Variants in ARHGEF4 observed in about 807,000 individuals in gnomAD.
The protein encoded by ARHGEF4 is Rho guanine nucleotide exchange factor 4.
In ARHGEF4, 119 loss-of-function variants were observed where a neutral mutation model predicts 162.0. The observed-to-expected ratio is 0.73, with a 90% CI of 0.63 to 0.86. The LOEUF (loss-of-function observed/expected upper bound fraction) is 0.86, where lower values mean the gene tolerates loss of function less well. Ranked by LOEUF, ARHGEF4 falls within the 40% of genes least tolerant of loss-of-function variation. ARHGEF4 has a pLI of 0.00. For missense variants in ARHGEF4, 2,488 were observed against 2,456.0 expected (o/e 1.01, Z -0.28); for synonymous variants, 1,014 against 979.9 (o/e 1.03, Z -0.65).
chr2:130,975,203 C>A (rs1026922592), intron 4 of ARHGEF4, among the ~76,000 whole-genome samples: 1 of 152,196 alleles, frequency 6.6e-6, no homozygotes, highest in African/African-American at 2.4e-5. Flanking sequence ...GGATCGCATC[C>A]TCTCCTTCCA....
rs369129650 is a variant in ARHGEF4, at chr2:131,040,124, A to T, written c.4414A>T (p.Thr1472Ser). The T allele has an allele frequency of 6.2e-6, 10 of 1,613,138 alleles. No individual in the cohort carries two copies. The highest frequency in any genetic ancestry group is 8.5e-6 in the Non-Finnish European group (10 of 1,179,700). ...EAQSSKDQMRTNVINEILSTE... is the reference protein window; with the variant it reads ...EAQSSKDQMRSNVINEILSTE... ...GCAGAGCAGCAAGGACCAGATGCGGACCAACGTCATCAACGAGATCCTCAG... is the reference window on the plus strand; with the variant it reads ...GCAGAGCAGCAAGGACCAGATGCGGTCCAACGTCATCAACGAGATCCTCAG... Residue 1472 changes from threonine (T) to serine (S), a missense_variant, in exon 7 of 14, where the codon ACC (threonine) becomes TCC (serine). Transcript: ENST00000409359.
chr2:130,908,403 G>A (rs1013926694), intron 1 of ARHGEF4, among the ~76,000 whole-genome samples: 8 of 152,246 alleles, frequency 5.3e-5, no homozygotes, highest in Admixed American at 1.3e-4. Flanking sequence ...CTGGCCAGGC[G>A]TGGTGGCTCA....
At chr2:130,975,964 TGGG>T (rs991691865) in intron 4 of ARHGEF4, among the ~76,000 whole-genome samples, 8 of 152,112 alleles carry the variant, frequency 5.3e-5, no homozygotes, top group African/African-American at 1.9e-4. Context: ...GTAAGAAAGA[TGGG>T]GGCTCCCGGA....
At position 131,046,118 on chromosome 2, in the gene ARHGEF4, C is replaced by A; in HGVS notation, c.5560C>A (p.Leu1854Met). 5 of 1,612,978 alleles carry A rather than the reference C, an allele frequency of 3.1e-6. No homozygotes were observed. Among genetic ancestry groups the A allele is most frequent in the Non-Finnish European group, 4.2e-6 (5 of 1,179,908 alleles). ...CCGGCCCCAGCAGCAGGTCCTGGTG[C>A]TGGCGGAGCCCAGGCGCAAGCCATC... is the stretch of plus-strand genomic sequence containing the variant. ...SNRPQQQVLV[L>M]AEPRRKPSTF... is the part of the protein sequence containing the mutation. The change falls in exon 14 of 14, where the codon CTG becomes ATG. Residue 1854 changes from leucine (L) to methionine (M), a missense_variant. Physicochemically the swap from Leu to Met is conservative, Grantham distance 15 (BLOSUM62 2). This residue lies in a region of ARHGEF4 where 415 missense variants were observed against 512.4 expected (regional missense o/e 0.81). Transcript: ENST00000409359.
At chr2:130,913,239 G>C (rs982927092) in intron 1 of ARHGEF4, among the ~76,000 whole-genome samples, 1 of 152,180 alleles carries the variant, frequency 6.6e-6, no homozygotes, top group African/African-American at 2.4e-5. Context: ...GGGAGGGGCA[G>C]GGCCTTTTTG....
intron 2 of ARHGEF4, 121 bp from the exon 3 acceptor site, chr2:130,930,831 T>C: frequency 1.1e-6 from 1 of 935,094 alleles, no homozygotes; most frequent in Non-Finnish European, 1.5e-6. Context: ...ACTCTGTACT[T>C]TGAAAATTAA....
chr2:131,022,460 T>C (rs1308174878), intron 4 of ARHGEF4, among the ~76,000 whole-genome samples: 1 of 152,136 alleles, frequency 6.6e-6, no homozygotes, highest in Non-Finnish European at 1.5e-5. Flanking sequence ...TTCATGGTAT[T>C]CTCATAATCA....
At chr2:130,958,015 CA>C (rs34565820) in intron 4 of ARHGEF4, among the ~76,000 whole-genome samples, 275 of 138,346 alleles carry the variant, frequency 2.0e-3, no homozygotes, top group Middle Eastern at 7.9e-3. Flanking sequence ...TTAAAAGGAA[CA>C]AAAAAAAAAA....
At chr2:130,980,539 C>T (rs373973293) in intron 4 of ARHGEF4, among the ~76,000 whole-genome samples, 5 of 152,038 alleles carry the variant, frequency 3.3e-5, no homozygotes, top group East Asian at 1.9e-4. Flanking sequence ...TACTATACAA[C>T]GAAACAGGGA....
At chr2:130,920,618 T>C (rs541614856) in intron 2 of ARHGEF4, among the ~76,000 whole-genome samples, 1 of 152,292 alleles carries the variant, frequency 6.6e-6, no homozygotes, top group African/African-American at 2.4e-5. Context: ...GACTGCGCCA[T>C]CTTGTGGGCA....
chr2:130,878,823 G>A (rs6729825), intron 1 of ARHGEF4, among the ~76,000 whole-genome samples: 2,536 of 152,312 alleles, frequency 0.017, 61 homozygotes, highest in African/African-American at 0.056. Flanking sequence ...AGATATTGAC[G>A]GGTTCTTTGC....
chr2:131,044,243 C>T, intron 11 of ARHGEF4, 56 bp from the exon 12 acceptor site: 2 of 1,596,280 alleles, frequency 1.3e-6, no homozygotes, highest in Non-Finnish European at 1.7e-6. Flanking sequence ...TGGGAGCAGC[C>T]AGGAAATGGT....
chr2:130,953,535 C>G (rs1391294410), intron 4 of ARHGEF4, among the ~76,000 whole-genome samples: 1 of 152,112 alleles, frequency 6.6e-6, no homozygotes, highest in African/African-American at 2.4e-5. Context: ...GTAATGGCAA[C>G]AAAAGCCAAA....
At position 130,913,992 on chromosome 2, in the gene ARHGEF4, G is replaced by A; in HGVS notation, c.46G>A (p.Glu16Lys). 1.3e-6 allele frequency: 2 copies of A among 1,536,090 alleles called. No homozygotes were observed. Among genetic ancestry groups the A allele is most frequent in the Non-Finnish European group, 1.7e-6 (2 of 1,146,906 alleles). ...HFLRSFFKTP[E>K]PGAHLPGEGE... ...TCTCTTCTTGCCCTCCCAGACTCCA[G>A]AGCCAGGTGCACACCTGCCAGGTGA... Residue 16 changes from glutamate to lysine, a missense_variant, in exon 2 of 14, where the codon GAG (glutamate) becomes AAG (lysine). Glu to Lys is a moderately conservative substitution (Grantham distance 56). Around this residue, in one of 6 missense-constraint regions of ARHGEF4, gnomAD observed 171 missense variants for 169.4 expected, o/e 1.01. Transcript: ENST00000409359.
intron 4 of ARHGEF4, among the ~76,000 whole-genome samples, chr2:130,994,965 A>T (rs1687285281): frequency 6.6e-6 from 1 of 152,144 alleles, no homozygotes; most frequent in South Asian, 2.1e-4. Flanking sequence ...ACAGCATTTT[A>T]TCTGTGTCTG....
chr2:130,986,513 G>A (rs951581887), intron 4 of ARHGEF4, among the ~76,000 whole-genome samples: 5 of 152,164 alleles, frequency 3.3e-5, no homozygotes, highest in Admixed American at 1.3e-4. Flanking sequence ...CTCAGAGGGC[G>A]CTGGGGCCTT....
In ARHGEF4 at chr2:131,039,872, G is replaced by T; in HGVS notation, c.4306-144G>T. 4.2e-6 allele frequency: 6 copies of T among 1,428,754 alleles called. No individual in the cohort carries two copies. The South Asian group carries it at 6.0e-5, about 14-fold the overall frequency. The allele number at this position is 1,428,754 out of a possible 1,614,324, so 88.5% of individuals were successfully genotyped here. A position where few individuals can be genotyped will look rare whatever the true frequency, so the allele number is the denominator to read the frequency against. On this transcript the variant is annotated intron_variant, in intron 6 of 13. Transcript: ENST00000409359. ...CAGGACTTGCGTGGGTGGCGTGGTG[G>T]GGGGAGCTGGCCGGCCAGTCCTCAG...
intron 4 of ARHGEF4, among the ~76,000 whole-genome samples, chr2:130,985,676 TC>T (rs1686432926): frequency 6.6e-6 from 1 of 152,222 alleles, no homozygotes. Context: ...AGCAGAAGGA[TC>T]CATTTCTATG....
chr2:130,918,599 G>T (rs1480167439), intron 2 of ARHGEF4, among the ~76,000 whole-genome samples: 2 of 152,214 alleles, frequency 1.3e-5, no homozygotes, highest in Non-Finnish European at 2.9e-5. Context: ...CTGGGCTCAC[G>T]GGCTGCGCAG....
Sources: allele counts gnomAD v4.1 joint callset (sites outside exome capture counted in the v4.1 genomes callset), GRCh38; gene constraint gnomAD v4.1.1; regional missense constraint gnomAD v4.1.1; transcripts MANE v1.5; gene names NCBI Gene and HGNC (gene_info 2026-07-23, HGNC 2026-07-21).